Variants in RABGGTA observed in about 807,000 individuals in gnomAD.
RABGGTA encodes the protein geranylgeranyl transferase type-2 subunit alpha.
In RABGGTA, 69 loss-of-function variants were observed where a neutral mutation model predicts 83.3. The ratio of observed to expected loss-of-function variants is 0.83; its 90% CI spans 0.68 to 1.01. The LOEUF is 1.01. Among genes scored for constraint, RABGGTA ranks in the 50% least tolerant of loss-of-function variants. The probability of loss-of-function intolerance (pLI) is 0.00; values close to 1 mark genes in which losing one functional copy is unlikely to be tolerated. For missense variants in RABGGTA, 681 were observed against 712.7 expected (o/e 0.96, Z 0.51); for synonymous variants, 310 against 299.8 (o/e 1.03, Z -0.35).
Position 24,268,627 on chromosome 14 carries a change from TA to T in RABGGTA, c.901-9del. The T allele has an allele frequency of 1.2e-6, 2 of 1,613,080 alleles. No homozygotes were observed. The highest frequency in any genetic ancestry group is 1.1e-5 in the South Asian group (1 of 91,050). ...AGCAGGCAGGTCACAGAGCTGGGAG[TA>T]CTGGGTCAAGGAAATGCCCCAGCCT... On this transcript the variant is annotated splice_polypyrimidine_tract_variant and intron_variant, in intron 9 of 16. Transcript: ENST00000216840.
At chr14:24,269,715 C>G in intron 5 of RABGGTA, 21 bp from the exon 6 acceptor site, 1 of 1,611,672 alleles carries the variant, frequency 6.2e-7, no homozygotes, top group East Asian at 2.2e-5. Context: ...GAGGTGACAG[C>G]ATATCTTAGA....
At chr14:24,271,009 C>A (rs1016273945) in intron 2 of RABGGTA, 62 bp from the exon 3 acceptor site, 2 of 1,602,960 alleles carry the variant, frequency 1.2e-6, no homozygotes, top group Admixed American at 3.4e-5. Flanking sequence ...CTGCAAAAAC[C>A]CCACACTGTG....
In RABGGTA at chr14:24,267,774, G is replaced by A. The variant is rs779589505; in HGVS notation, c.1239C>T (p.Ala413=). Residue 413 remains alanine (A), a splice_region_variant and synonymous_variant, in exon 14 of 17, where the codon GCC becomes GCT. Transcript: ENST00000216840. ...ETLQYFQTLK[A]VDPMRATYLD... ...GATACGTTGCCCGCATGGGGTCCAC[G>A]GCCTGGAGTGGATGAGGTGGGCAGG... 1.3e-5 allele frequency: 21 copies of A among 1,612,268 alleles called. No individual in the cohort carries two copies. The East Asian group carries it at 1.6e-4, about 12-fold the overall frequency.
chr14:24,265,616 T>G lies in RABGGTA; in HGVS notation c.1703A>C (p.Ter568SerextTer10). The G allele has an allele frequency of 1.2e-6, 2 of 1,613,284 alleles. No homozygotes were observed. The change falls in exon 17 of 17, where the codon TAA (stop) becomes TCA (serine). Residue 568 changes from the stop codon to serine (S), a stop_lost. Transcript: ENST00000216840. ...LLPSVSSVLT[*>S] ...GGCAAGGGTAGGGGGCAGGGCCTCT[T>G]AGGTGAGGACGCTGCTAACTGAAGG...
rs1273100804 is a variant in RABGGTA at position 24,269,963 on chromosome 14, A to G, written c.417T>C (p.Asp139=). Residue 139 remains aspartate (D), a synonymous_variant, in exon 5 of 17, where the codon GAT becomes GAC. Transcript: ENST00000216840. ...LELCARFLEV[D]ERNFHCWDYR... ...TCTGCAGCCACGTACAGTTCCGCTC[A>G]TCCACCTCCAGGAAACGGGCACAGA... The G allele has an allele frequency of 1.2e-6, 2 of 1,613,360 alleles. No homozygotes were observed. The highest frequency in any genetic ancestry group is 1.7e-6 in the Non-Finnish European group (2 of 1,179,768).
Position 24,267,886 on chromosome 14 carries a change from T to C in RABGGTA, c.1220A>G (p.Tyr407Cys). The change falls in exon 13 of 17, where the codon TAC (tyrosine) becomes TGC (cysteine). Residue 407 changes from tyrosine (Y) to cysteine (C), a missense_variant. Transcript: ENST00000216840. Reference sequence around the variant, plus strand: ...AGAACTTGCCTTGAGGGTCTGGAAGTACTGCAGGGTCTCCTTCTCATACAG... The same window carrying C: ...AGAACTTGCCTTGAGGGTCTGGAAGCACTGCAGGGTCTCCTTCTCATACAG... ...PLLYEKETLQ[Y>C]FQTLKAVDPM... 1 of 1,613,690 alleles carries C rather than the reference T, an allele frequency of 6.2e-7. No homozygotes were observed. Among genetic ancestry groups the C allele is most frequent in the Non-Finnish European group, 8.5e-7 (1 of 1,179,806 alleles).
chr14:24,268,321 C>G (rs769755158), intron 11 of RABGGTA, 48 bp downstream of exon 11: 1 of 1,612,392 alleles, frequency 6.2e-7, no homozygotes, highest in Non-Finnish European at 8.5e-7. Context: ...CTGCCTGATG[C>G]CCAGAGTCCA....
Position 24,266,807 on chromosome 14 carries a change from G to A in RABGGTA, c.1436C>T (p.Pro479Leu). ...DLSHNRLRTL[P>L]PALAALRCLE... ...GCAGCGCAGGGCAGCCAGTGCAGGT[G>A]GCAGGGTTCGGAGGCGATTGTGTGA... The change falls in exon 15 of 17, where the codon CCA (proline) becomes CTA (leucine). Residue 479 changes from proline to leucine, a missense_variant. Coordinates refer to ENST00000216840, the MANE Select transcript of RABGGTA (RefSeq NM_182836.3). 1 of 1,613,888 alleles carries A rather than the reference G, an allele frequency of 6.2e-7. No individual in the cohort carries two copies. Among genetic ancestry groups the A allele is most frequent in the Non-Finnish European group, 8.5e-7 (1 of 1,179,802 alleles).
Position 24,266,814 on chromosome 14 carries a change from T to C in RABGGTA, c.1429A>G (p.Thr477Ala). 1 of 1,613,866 alleles carries C rather than the reference T, an allele frequency of 6.2e-7. No homozygotes were observed. The highest frequency in any genetic ancestry group is 2.2e-5 in the East Asian group (1 of 44,874). Residue 477 changes from threonine (T) to alanine (A), a missense_variant, in exon 15 of 17, where the codon ACC (threonine) becomes GCC (alanine). Transcript: ENST00000216840. ...HLDLSHNRLRTLPPALAALRC... is the reference protein window; with the variant it reads ...HLDLSHNRLRALPPALAALRC... ...AGGGCAGCCAGTGCAGGTGGCAGGGTTCGGAGGCGATTGTGTGACAAGTCA... is the reference window on the plus strand; with the variant it reads ...AGGGCAGCCAGTGCAGGTGGCAGGGCTCGGAGGCGATTGTGTGACAAGTCA...
chr14:24,268,730 C>T lies in RABGGTA; in HGVS notation c.895G>A (p.Val299Ile). The change falls in exon 9 of 17, where the codon GTC (valine) becomes ATC (isoleucine). Residue 299 changes from valine to isoleucine, a missense_variant. This residue lies in a region of RABGGTA where 421 missense variants were observed against 418.5 expected (regional missense o/e 1.01). Coordinates refer to ENST00000216840, the MANE Select transcript of RABGGTA (RefSeq NM_182836.3). ...TPDGRNRPSH[V>I]WLCDLPAASL... Reference sequence around the variant, plus strand: ...CCCCACCAATCCTGGGATACCCAGACATGGCTGGGCCGGTTCCTGCCATCT... The same window carrying T: ...CCCCACCAATCCTGGGATACCCAGATATGGCTGGGCCGGTTCCTGCCATCT... 6.3e-7 allele frequency: 1 copy of T among 1,597,150 alleles called. No individual in the cohort carries two copies. The highest frequency in any genetic ancestry group is 8.5e-7 in the Non-Finnish European group (1 of 1,171,788).
Position 24,270,433 on chromosome 14 carries a change from G to T in RABGGTA, c.140C>A (p.Ser47Tyr), listed in dbSNP as rs1289830531. 1 of 1,613,988 alleles carries T rather than the reference G, an allele frequency of 6.2e-7. No homozygotes were observed. Among genetic ancestry groups the T allele is most frequent in the East Asian group, 2.2e-5 (1 of 44,880 alleles). ...QKRQAGELDE[S>Y]VLELTSQILG... is the part of the protein sequence containing the mutation. Reference sequence around the variant, plus strand: ...AATCTGGCTTGTCAGTTCCAGCACGGACTCATCCAGCTCACCAGCCTGGCG... The same window carrying T: ...AATCTGGCTTGTCAGTTCCAGCACGTACTCATCCAGCTCACCAGCCTGGCG... The change falls in exon 4 of 17, where the codon TCC (serine) becomes TAC (tyrosine). Residue 47 changes from serine to tyrosine, a missense_variant. Transcript: ENST00000216840.
Position 24,269,176 on chromosome 14 carries a change from A to C in RABGGTA, c.632-13T>G. The C allele has an allele frequency of 6.2e-7, 1 of 1,604,764 alleles. No homozygotes were observed. Among genetic ancestry groups the C allele is most frequent in the South Asian group, 1.1e-5 (1 of 89,456 alleles). On this transcript the variant is annotated splice_polypyrimidine_tract_variant and intron_variant, in intron 6 of 16. Transcript: ENST00000216840. ...ACCAGCTCCAGCTCTGTGGGGTTCC[A>C]GGAGGCATGGGGCTGTGGTCAGGAC...
intron 3 of RABGGTA, 70 bp downstream of exon 3, chr14:24,270,767 G>A (rs2040937623): frequency 6.4e-7 from 1 of 1,554,650 alleles, no homozygotes; most frequent in Non-Finnish European, 8.7e-7. Flanking sequence ...TGACTCTAGG[G>A]ACCAGCTCTT....
At chr14:24,270,292 C>G in intron 4 of RABGGTA, 42 bp downstream of exon 4, 1 of 1,607,722 alleles carries the variant, frequency 6.2e-7, no homozygotes, top group Non-Finnish European at 8.5e-7. Flanking sequence ...AGTGCAGGCG[C>G]AGGGCCAGGG....
At position 24,268,539 on chromosome 14, in the gene RABGGTA, G is replaced by C; in HGVS notation, c.981C>G (p.Val327=). The change falls in exon 10 of 17, where the codon GTC becomes GTG. Residue 327 remains valine, a synonymous_variant. Coordinates refer to ENST00000216840, the MANE Select transcript of RABGGTA (RefSeq NM_182836.3). ...CTTTTAAAAGCACGCATTCTTTCTGGACATCGCCTGCTGTCCAAATGACGC... is the reference window on the plus strand; with the variant it reads ...CTTTTAAAAGCACGCATTCTTTCTGCACATCGCCTGCTGTCCAAATGACGC... The part of the protein sequence containing the change: ...TFRVIWTAGD[V]QKECVLLKGR... The C allele has an allele frequency of 1.2e-6, 2 of 1,614,012 alleles. No homozygotes were observed. Among genetic ancestry groups the C allele is most frequent in the Non-Finnish European group, 1.7e-6 (2 of 1,179,876 alleles).
chr14:24,271,241 A>C (rs2040946194), intron 1 of RABGGTA, 72 bp from the exon 2 acceptor site: 1 of 1,289,954 alleles, frequency 7.8e-7, no homozygotes, highest in Non-Finnish European at 1.0e-6. Flanking sequence ...CGGAAGCAGC[A>C]AGCGTGCCTG....
chr14:24,267,563 G>C (rs2040889148), intron 14 of RABGGTA, 97 bp downstream of exon 14: 2 of 898,640 alleles, frequency 2.2e-6, no homozygotes, highest in Non-Finnish European at 3.5e-6. Context: ...ATCTTGATTG[G>C]AAGTCCACAA....
chr14:24,271,034 T>G (rs2040942500), intron 2 of RABGGTA, 79 bp downstream of exon 2: 2 of 1,591,908 alleles, frequency 1.3e-6, no homozygotes, highest in Admixed American at 3.5e-5. Context: ...CCTAGGTTCA[T>G]ACGGGGCAAC....
chr14:24,265,630 G>A lies in RABGGTA; in HGVS notation c.1689C>T (p.Ser563=), dbSNP rs772769292. ...GCAGGGCCTCTTAGGTGAGGACGCT[G>A]CTAACTGAAGGCAGCAGTTCAGCCA... is the stretch of plus-strand genomic sequence containing the variant. ...EQLAELLPSV[S]SVLT Residue 563 remains serine, a synonymous_variant, in exon 17 of 17, where the codon AGC becomes AGT. Transcript: ENST00000216840. 2 of 1,613,632 alleles carry A rather than the reference G, an allele frequency of 1.2e-6. No homozygotes were observed. The highest frequency in any genetic ancestry group is 1.1e-5 in the South Asian group (1 of 91,058).
Sources: gnomAD v4.1 joint callset for allele counts on GRCh38, gnomAD v4.1.1 for gene constraint, gnomAD v4.1.1 regional missense constraint, MANE v1.5 for transcripts, NCBI Gene and HGNC (gene_info 2026-07-23, HGNC 2026-07-21) for gene names.